Variants in HS3ST4 observed in about 807,000 individuals in gnomAD.
The protein encoded by HS3ST4 is heparan sulfate-glucosamine 3-sulfotransferase 4.
HS3ST4 carries 17 observed loss-of-function variants against 29.2 expected under a neutral mutation model. That is an observed-to-expected ratio of 0.58 (90% confidence interval 0.40 to 0.87). The LOEUF is 0.87. Ranked by LOEUF, HS3ST4 falls within the 40% of genes least tolerant of loss-of-function variation. The pLI, the probability that HS3ST4 is intolerant of heterozygous loss-of-function variation, is 0.00. For missense variants in HS3ST4, 627 were observed against 634.5 expected (o/e 0.99, Z 0.13); for synonymous variants, 314 against 285.7 (o/e 1.10, Z -1.00).
chr16:26,102,416 T>C (rs1899000639), intron 1 of HS3ST4, among the ~76,000 whole-genome samples: 1 of 152,142 alleles, frequency 6.6e-6, no homozygotes, highest in African/African-American at 2.4e-5. Flanking sequence ...TGTAAGGAAA[T>C]GTCTCTTGGT....
intron 1 of HS3ST4, among the ~76,000 whole-genome samples, chr16:26,030,835 T>G (rs1014305782): frequency 3.3e-5 from 5 of 152,222 alleles, no homozygotes; most frequent in Non-Finnish European, 7.3e-5. Flanking sequence ...TGAAAACTCT[T>G]TAAGCCTTAT....
intron 1 of HS3ST4, among the ~76,000 whole-genome samples, chr16:26,030,028 A>G (rs1030593504): frequency 2.0e-5 from 3 of 152,130 alleles, no homozygotes; most frequent in African/African-American, 7.2e-5. Context: ...GACCTGTCCA[A>G]CTTGTGAGTG....
Position 25,976,832 on chromosome 16 carries a change from C to T in HS3ST4, c.735-158780C>T, listed in dbSNP as rs59443850. ...CCATTCCAACAACTCAACTCTGCTC[C>T]GGCAGTGCAAGAGGAGTGGTAGACG... On this transcript the variant is annotated intron_variant, in intron 1 of 1. Coordinates refer to ENST00000331351, the MANE Select transcript of HS3ST4 (RefSeq NM_006040.3). 2.7e-3 allele frequency among the ~76,000 whole-genome samples: 406 copies of T among 152,276 alleles called. 1 individual carries two copies. The highest frequency in any genetic ancestry group is 9.5e-3 in the African/African-American group (394 of 41,562).
chr16:25,818,115 A>G (rs948852310), intron 1 of HS3ST4, among the ~76,000 whole-genome samples: 1 of 152,228 alleles, frequency 6.6e-6, no homozygotes, highest in African/African-American at 2.4e-5. Flanking sequence ...TAATGTTTGT[A>G]GAAGGCTTTG....
chr16:25,829,630 T>C (rs532756813), intron 1 of HS3ST4, among the ~76,000 whole-genome samples: 78 of 152,148 alleles, frequency 5.1e-4, no homozygotes, highest in African/African-American at 1.7e-3. Flanking sequence ...GTCTGTGTGT[T>C]CTCATTGTTC....
intron 1 of HS3ST4, among the ~76,000 whole-genome samples, chr16:25,935,520 A>G (rs1344069474): frequency 6.6e-6 from 1 of 151,884 alleles, no homozygotes; most frequent in Non-Finnish European, 1.5e-5. Context: ...TTTTTACTTT[A>G]CTCATGGTTT....
At chr16:26,128,272 C>G (rs1292830943) in intron 1 of HS3ST4, among the ~76,000 whole-genome samples, 1 of 152,194 alleles carries the variant, frequency 6.6e-6, no homozygotes, top group African/African-American at 2.4e-5. Flanking sequence ...TATTGAAGGG[C>G]AGGGACCATG....
intron 1 of HS3ST4, among the ~76,000 whole-genome samples, chr16:26,043,906 G>T (rs1313159066): frequency 6.6e-6 from 1 of 152,074 alleles, no homozygotes; most frequent in Non-Finnish European, 1.5e-5. Context: ...CCTCAGCCCA[G>T]GCCCTTACTA....
chr16:25,757,980 A>G (rs1596562340), intron 1 of HS3ST4, among the ~76,000 whole-genome samples: 1 of 152,082 alleles, frequency 6.6e-6, no homozygotes, highest in Admixed American at 6.5e-5. Flanking sequence ...TCTAAGCGGC[A>G]CACAATCCCT....
intron 1 of HS3ST4, among the ~76,000 whole-genome samples, chr16:26,056,273 C>G (rs1453455011): frequency 1.3e-5 from 2 of 152,134 alleles, no homozygotes; most frequent in South Asian, 2.1e-4. Flanking sequence ...GCCAGCAGAC[C>G]AGGTTGGAAG....
At chr16:25,726,665 A>G (rs765658122) in intron 1 of HS3ST4, among the ~76,000 whole-genome samples, 1 of 152,154 alleles carries the variant, frequency 6.6e-6, no homozygotes. Flanking sequence ...TATGAAAACC[A>G]TATTCTTTGA....
At chr16:26,075,870 A>C (rs1486087053) in intron 1 of HS3ST4, among the ~76,000 whole-genome samples, 2 of 152,320 alleles carry the variant, frequency 1.3e-5, no homozygotes, top group East Asian at 3.9e-4. Context: ...TCAATACCTT[A>C]AACTTAGTTA....
At chr16:26,005,456 A>G (rs1341472845) in intron 1 of HS3ST4, among the ~76,000 whole-genome samples, 1 of 152,184 alleles carries the variant, frequency 6.6e-6, no homozygotes, top group African/African-American at 2.4e-5. Flanking sequence ...AATCAGCAGT[A>G]GCAGAGGTGC....
intron 1 of HS3ST4, among the ~76,000 whole-genome samples, chr16:25,820,661 T>C (rs1048492595): frequency 9.2e-5 from 14 of 152,090 alleles, no homozygotes; most frequent in Non-Finnish European, 2.1e-4. Flanking sequence ...TTTCAAACTC[T>C]TGGCCTCAAG....
chr16:25,876,623 G>A (rs749433484), intron 1 of HS3ST4, among the ~76,000 whole-genome samples: 12 of 152,078 alleles, frequency 7.9e-5, no homozygotes, highest in East Asian at 3.9e-4. Flanking sequence ...TGGACTGACC[G>A]AAACCCTCTG....
rs144403278 is a variant in HS3ST4 at position 25,987,493 on chromosome 16, A to G, written c.735-148119A>G. On this transcript the variant is annotated intron_variant, in intron 1 of 1. Coordinates refer to ENST00000331351, the MANE Select transcript of HS3ST4 (RefSeq NM_006040.3). ...ATGAGAAAATTGAATTCCAAAACGG[A>G]TAAATGGCTGGCTGAAGTTTGCATA... 1.6e-4 allele frequency among the ~76,000 whole-genome samples: 25 copies of G among 152,354 alleles called. No individual in the cohort carries two copies. In the East Asian group the frequency reaches 4.2e-3, roughly 26 times the overall value.
At chr16:25,905,763 G>A (rs74015242) in intron 1 of HS3ST4, among the ~76,000 whole-genome samples, 1,609 of 152,244 alleles carry the variant, frequency 0.011, 26 homozygotes, top group African/African-American at 0.032. Context: ...CATGATTTTT[G>A]TTCCTTGGTA....
rs142637031 is a variant in HS3ST4 at position 25,795,123 on chromosome 16, C to T, written c.734+101972C>T. Among the ~76,000 whole-genome samples, 787 of 152,092 alleles carry T rather than the reference C, an allele frequency of 5.2e-3. 8 individuals carry two copies. Among genetic ancestry groups the T allele is most frequent in the African/African-American group, 0.018 (750 of 41,480 alleles). ...AGTAGCTGGGATTACAGGCGCCTGCCACCACACCCGGCTAATTTTTTGTAT... is the reference window on the plus strand; with the variant it reads ...AGTAGCTGGGATTACAGGCGCCTGCTACCACACCCGGCTAATTTTTTGTAT... On this transcript the variant is annotated intron_variant, in intron 1 of 1. Coordinates refer to ENST00000331351, the MANE Select transcript of HS3ST4 (RefSeq NM_006040.3).
At chr16:26,089,233 A>G (rs1401874136) in intron 1 of HS3ST4, among the ~76,000 whole-genome samples, 1 of 152,238 alleles carries the variant, frequency 6.6e-6, no homozygotes, top group East Asian at 1.9e-4. Flanking sequence ...TAGGACCCCT[A>G]GAAGGCAAAA....
Sources: gnomAD v4.1 joint callset for allele counts (sites outside exome capture counted in the v4.1 genomes callset) on GRCh38, gnomAD v4.1.1 for gene constraint, MANE v1.5 for transcripts, NCBI Gene and HGNC (gene_info 2026-07-23, HGNC 2026-07-21) for gene names.